The following BCL7C variants were observed in gnomAD, a reference collection of about 807,000 sequenced individuals.
BCL7C encodes the protein B-cell CLL/lymphoma 7 protein family member C.
A neutral mutation model predicts 26.2 loss-of-function variants in BCL7C; 8 were observed. That is an observed-to-expected ratio of 0.30 (90% confidence interval 0.18 to 0.55). The LOEUF (loss-of-function observed/expected upper bound fraction) is 0.55, where lower values mean the gene tolerates loss of function less well. Among genes scored for constraint, BCL7C ranks in the 20% least tolerant of loss-of-function variants. The pLI is 0.93. For missense variants in BCL7C, 262 were observed against 298.5 expected (o/e 0.88, Z 0.90); for synonymous variants, 90 against 116.5 (o/e 0.77, Z 1.47).
rs1416493071 is a variant in BCL7C at position 30,849,752 on chromosome 16, CCTT to C, written c.529-14607_529-14605del. Among the ~76,000 whole-genome samples, 5 of 94,794 alleles carry C rather than the reference CCTT, an allele frequency of 5.3e-5. No individual in the cohort carries two copies. The Admixed American group carries it at 7.8e-4, about 15-fold the overall frequency. The allele number at this position is 94,794 out of a possible 152,430, so 62.2% of individuals were successfully genotyped here. ...AGGCATGAGCCCCTGTGCCTGGCCT[CCTT>C]TTTTCTTTTTTTTTTTTTTGGAGTC... On this transcript the variant is annotated intron_variant, in intron 5 of 5. Transcript: ENST00000380317.
intron 5 of BCL7C, among the ~76,000 whole-genome samples, chr16:30,880,728 T>G (rs1221019164): frequency 3.9e-5 from 6 of 152,098 alleles, no homozygotes; most frequent in African/African-American, 9.7e-5. Flanking sequence ...AGACAGGGTC[T>G]TGCTCTGTTG....
Position 30,893,808 on chromosome 16 carries a change from G to A in BCL7C, c.92+45C>T, listed in dbSNP as rs1938644023. Reference sequence around the variant, plus strand: ...GGGCAGCGTAGACGCCTTTGGTGCTGGTGGTCCCGCTGTGTCCCGTCCCTG... The same window carrying A: ...GGGCAGCGTAGACGCCTTTGGTGCTAGTGGTCCCGCTGTGTCCCGTCCCTG... On this transcript the variant is annotated intron_variant, in intron 1 of 5. Transcript: ENST00000215115. The surrounding 1 kb of genome is among the most constrained non-coding windows in gnomAD (Gnocchi z 5.2). The A allele has an allele frequency of 1.3e-6, 2 of 1,561,784 alleles. No individual in the cohort carries two copies. Among genetic ancestry groups the A allele is most frequent in the African/African-American group, 1.4e-5 (1 of 73,932 alleles).
chr16:30,867,979 T>C (rs2054843753), intron 5 of BCL7C, among the ~76,000 whole-genome samples: 1 of 152,056 alleles, frequency 6.6e-6, no homozygotes, highest in Non-Finnish European at 1.5e-5. Context: ...AACACAGCCC[T>C]GAAGACACCC....
At chr16:30,864,901 T>C (rs1015296294) in intron 5 of BCL7C, among the ~76,000 whole-genome samples, 13 of 124,546 alleles carry the variant, frequency 1.0e-4, no homozygotes, top group Non-Finnish European at 1.7e-4. Flanking sequence ...CTTAAGAAGG[T>C]ACTTTGTCTG....
intron 5 of BCL7C, among the ~76,000 whole-genome samples, chr16:30,873,954 T>TATACACACACACACACACAC (rs2054907272): frequency 1.5e-5 from 2 of 137,724 alleles, no homozygotes; most frequent in African/African-American, 5.6e-5. Flanking sequence ...GATATATGTA[T>TATACACACACACACACACAC]ACACACACAC....
chr16:30,889,197 A>G (rs1174913144), intron 4 of BCL7C, among the ~76,000 whole-genome samples: 1 of 152,214 alleles, frequency 6.6e-6, no homozygotes, highest in Non-Finnish European at 1.5e-5. Context: ...AAGTTGCCAC[A>G]GATTCTGGGC....
chr16:30,893,713 G>A lies in BCL7C; in HGVS notation c.92+140C>T. 1.4e-6 allele frequency: 1 copy of A among 711,422 alleles called. No homozygotes were observed. Among genetic ancestry groups the A allele is most frequent in the Non-Finnish European group, 2.4e-6 (1 of 415,932 alleles). The allele number at this position is 711,422 out of a possible 1,614,324, so 44.1% of individuals were successfully genotyped here. Reference sequence around the variant, plus strand: ...AGGAGTAGCCAGGCGAACGGGGACAGAGCCCTGTGGATCCAGGGCAAAGCT... The same window carrying A: ...AGGAGTAGCCAGGCGAACGGGGACAAAGCCCTGTGGATCCAGGGCAAAGCT... On this transcript the variant is annotated intron_variant, in intron 1 of 5. Coordinates refer to ENST00000215115, the MANE Select transcript of BCL7C (RefSeq NM_004765.4). The surrounding 1 kb of genome is among the most constrained non-coding windows in gnomAD (Gnocchi z 5.2).
intron 5 of BCL7C, among the ~76,000 whole-genome samples, chr16:30,852,870 C>A (rs1484483633): frequency 6.7e-6 from 1 of 150,064 alleles, no homozygotes; most frequent in East Asian, 1.9e-4. Context: ...TTAAAGTACA[C>A]ATTGTACAGC....
chr16:30,835,226 T>TGTTCCAACAAC, intron 5 of BCL7C: 1 of 1,306,036 alleles, frequency 7.7e-7, no homozygotes. Context: ...CTTGTCCCAT[T>TGTTCCAACAAC]TATGACTTCC....
intron 5 of BCL7C, among the ~76,000 whole-genome samples, chr16:30,838,328 A>G (rs1227303697): frequency 6.6e-6 from 1 of 152,256 alleles, no homozygotes; most frequent in Non-Finnish European, 1.5e-5. Context: ...TATATAGTAT[A>G]CACATATAGA....
intron 5 of BCL7C, among the ~76,000 whole-genome samples, chr16:30,858,706 G>A (rs766541256): frequency 1.3e-5 from 2 of 152,148 alleles, no homozygotes; most frequent in Non-Finnish European, 2.9e-5. Flanking sequence ...TCAAGAGAAG[G>A]AGCCCTGCAA....
At chr16:30,852,968 CTT>C (rs1349253343) in intron 5 of BCL7C, among the ~76,000 whole-genome samples, 1 of 151,508 alleles carries the variant, frequency 6.6e-6, no homozygotes, top group African/African-American at 2.4e-5. Flanking sequence ...GAGTTTTGCT[CTT>C]GTTGCCCAGG....
intron 5 of BCL7C, chr16:30,875,562 C>T (rs1472646614): frequency 6.6e-6 from 1 of 152,238 alleles, no homozygotes; most frequent in Non-Finnish European, 1.5e-5. Context: ...AGACAAGGGC[C>T]CAGGCGCCCA....
intron 5 of BCL7C, among the ~76,000 whole-genome samples, chr16:30,844,656 T>C (rs1483693883): frequency 2.0e-5 from 3 of 152,192 alleles, no homozygotes; most frequent in Non-Finnish European, 4.4e-5. Context: ...TTCTTTTCTC[T>C]GTAGGGAGGG....
At chr16:30,843,645 C>T (rs1349194663) in intron 5 of BCL7C, among the ~76,000 whole-genome samples, 2 of 151,954 alleles carry the variant, frequency 1.3e-5, no homozygotes, top group Non-Finnish European at 1.5e-5. Context: ...TGAGCGTTAC[C>T]GGATCTGCTG....
intron 5 of BCL7C, among the ~76,000 whole-genome samples, chr16:30,861,954 C>T (rs912443659): frequency 3.1e-4 from 46 of 149,186 alleles, no homozygotes; most frequent in African/African-American, 1.1e-3. Context: ...AGCTCCGCCT[C>T]CTGGGTTCAT....
intron 5 of BCL7C, among the ~76,000 whole-genome samples, chr16:30,846,093 G>A (rs2054633060): frequency 1.4e-5 from 2 of 139,856 alleles, no homozygotes; most frequent in East Asian, 2.2e-4. Flanking sequence ...CTGGGCAACA[G>A]AGCGAGACTC....
At chr16:30,873,794 T>C (rs1427707789) in intron 5 of BCL7C, among the ~76,000 whole-genome samples, 2 of 145,824 alleles carry the variant, frequency 1.4e-5, no homozygotes, top group African/African-American at 5.1e-5. Flanking sequence ...GAGGTTGCAG[T>C]GAGCCGAGAT....
intron 5 of BCL7C, chr16:30,852,006 G>C (rs1170744080): frequency 1.2e-5 from 2 of 160,756 alleles, no homozygotes; most frequent in Non-Finnish European, 2.8e-5. Context: ...TGCTTCAAAT[G>C]CCAGACGGCC....
Sources: gnomAD v4.1 joint callset for allele counts (sites outside exome capture counted in the v4.1 genomes callset) on GRCh38, gnomAD v4.1.1 for gene constraint, Gnocchi (gnomAD v3.1) non-coding constraint, MANE v1.5 for transcripts, NCBI Gene and HGNC (gene_info 2026-07-23, HGNC 2026-07-21) for gene names.